Variants in FOLR1 observed in about 807,000 individuals in gnomAD.
FOLR1 encodes folate receptor alpha, also known as KB cells FBP.
In FOLR1, 11 loss-of-function variants were observed where a neutral mutation model predicts 22.8. That is an observed-to-expected ratio of 0.48 (90% CI 0.30 to 0.80). The LOEUF (loss-of-function observed/expected upper bound fraction) is 0.80. Among genes scored for constraint, FOLR1 ranks in the 30% least tolerant of loss-of-function variants. The pLI, the probability that FOLR1 is intolerant of heterozygous loss-of-function variation, is 0.06. For synonymous variants in FOLR1, 108 were observed against 116.5 expected (o/e 0.93, Z 0.47); for missense variants, 273 against 320.3 (o/e 0.85, Z 1.13).
chr11:72,193,299 G>A (rs937702945), intron 1 of FOLR1, among the ~76,000 whole-genome samples: 1 of 150,904 alleles, frequency 6.6e-6, no homozygotes, highest in Non-Finnish European at 1.5e-5. Context: ...CTGCACTCCA[G>A]CCTGGGCAAC....
Position 72,192,226 on chromosome 11 carries a change from T to C in FOLR1, c.53T>C (p.Val18Ala). The change falls in exon 1 of 4, where the codon GTA becomes GCA. Residue 18 changes from valine (V) to alanine (A), a missense_variant. Physicochemically the swap from Val to Ala is moderately conservative, Grantham distance 64. Transcript: ENST00000393676. ...QLLLLLVWVA[V>A]VGEAQTRIAW... is the part of the protein sequence containing the mutation. ...CTGCTCCTTCTAGTGTGGGTGGCTG[T>C]AGTAGGGGAGGCTCAGACAAGGATT... is the stretch of plus-strand genomic sequence containing the variant. 1.9e-6 allele frequency: 3 copies of C among 1,614,034 alleles called. No individual in the cohort carries two copies. Among genetic ancestry groups the C allele is most frequent in the South Asian group, 1.1e-5 (1 of 91,076 alleles).
At chr11:72,195,481 T>C in intron 2 of FOLR1, 22 bp downstream of exon 2, 1 of 1,613,854 alleles carries the variant, frequency 6.2e-7, no homozygotes, top group Non-Finnish European at 8.5e-7. Flanking sequence ...TTCCTGCAGG[T>C]ACAAGACCTA....
chr11:72,195,538 G>C, intron 2 of FOLR1, 74 bp from the exon 3 acceptor site: 1 of 1,613,316 alleles, frequency 6.2e-7, no homozygotes, highest in Non-Finnish European at 8.5e-7. Flanking sequence ...TGCAACCCCA[G>C]CTCCAGTTCT....
At chr11:72,192,110 A>G (rs1948163406), upstream of FOLR1, 11 of 1,597,280 alleles carry the variant, frequency 6.9e-6, no homozygotes, top group Admixed American at 1.8e-4. Flanking sequence ...CCTGCACACA[A>G]CTTAAGGCCC....
intron 1 of FOLR1, among the ~76,000 whole-genome samples, chr11:72,193,776 T>C: frequency 1.0e-5 from 1 of 97,180 alleles, no homozygotes; most frequent in Non-Finnish European, 2.0e-5. Context: ...GCACATTTTA[T>C]TTATTTATTT....
intron 1 of FOLR1, among the ~76,000 whole-genome samples, 175 bp downstream of exon 1, chr11:72,192,516 GTTCA>G (rs1948170605): frequency 6.6e-6 from 1 of 152,194 alleles, no homozygotes; most frequent in South Asian, 2.1e-4. Context: ...AATGCCAACA[GTTCA>G]CCTTCTTGGT....
At position 72,196,248 on chromosome 11, in the gene FOLR1, C is replaced by T; in HGVS notation, c.*71C>T. ...CCCACAGCTCCCAACTATTTGGTTC[C>T]TGCTCCATGGTCGGGCCTCTGACAG... On this transcript the variant is annotated 3_prime_UTR_variant, in exon 4 of 4. Coordinates refer to ENST00000393676, the MANE Select transcript of FOLR1 (RefSeq NM_016729.3). 9.6e-6 allele frequency: 15 copies of T among 1,565,780 alleles called. No individual in the cohort carries two copies. The highest frequency in any genetic ancestry group is 1.3e-5 in the Non-Finnish European group (15 of 1,139,032).
Position 72,195,728 on chromosome 11 carries a change from G to A in FOLR1, c.474G>A (p.Lys158=). The A allele has an allele frequency of 1.2e-6, 2 of 1,614,226 alleles. No individual in the cohort carries two copies. Among genetic ancestry groups the A allele is most frequent in the Non-Finnish European group, 1.7e-6 (2 of 1,180,050 alleles). The part of the protein sequence containing the change: ...TSYTCKSNWH[K]GWNWTSGFNK... ...ACACCTGCAAGAGCAACTGGCACAA[G>A]GGCTGGAACTGGACTTCAGGTGAGG... The change falls in exon 3 of 4, where the codon AAG becomes AAA. Residue 158 remains lysine, a synonymous_variant. Transcript: ENST00000393676.
In FOLR1 at chr11:72,196,237, C is replaced by T; in HGVS notation, c.*60C>T. The T allele has an allele frequency of 6.3e-7, 1 of 1,592,994 alleles. No homozygotes were observed. Among genetic ancestry groups the T allele is most frequent in the Non-Finnish European group, 8.6e-7 (1 of 1,162,100 alleles). Reference sequence around the variant, plus strand: ...CCCTGTTCAGCCCCACAGCTCCCAACTATTTGGTTCCTGCTCCATGGTCGG... The same window carrying T: ...CCCTGTTCAGCCCCACAGCTCCCAATTATTTGGTTCCTGCTCCATGGTCGG... On this transcript the variant is annotated 3_prime_UTR_variant, in exon 4 of 4. Coordinates refer to ENST00000393676, the MANE Select transcript of FOLR1 (RefSeq NM_016729.3).
At chr11:72,190,554 C>G (rs2135384188), upstream of FOLR1, 1 of 152,248 alleles carries the variant, frequency 6.6e-6, no homozygotes, top group South Asian at 2.1e-4. Flanking sequence ...GTGCTCTAAA[C>G]AGTTAGGGTT....
upstream of FOLR1, chr11:72,190,646 G>A (rs1406299004): frequency 6.6e-6 from 1 of 152,388 alleles, no homozygotes. Flanking sequence ...CTCAAGGTTA[G>A]TGAGTGAGCA....
intron 1 of FOLR1, 143 bp from the exon 2 acceptor site, chr11:72,195,128 G>A (rs561650632): frequency 2.4e-6 from 2 of 826,154 alleles, no homozygotes; most frequent in East Asian, 5.2e-5. Context: ...CCCCTAAAGA[G>A]GTCCCAATAG....
rs764420714 is a variant in FOLR1, at chr11:72,195,395, G to A, written c.293G>A (p.Arg98Gln). The change falls in exon 2 of 4, where the codon CGG (arginine) becomes CAG (glutamine). Residue 98 changes from arginine to glutamine, a missense_variant. Physicochemically the swap from Arg to Gln is conservative, Grantham distance 43 (BLOSUM62 1). Coordinates refer to ENST00000393676, the MANE Select transcript of FOLR1 (RefSeq NM_016729.3). ...GGAGAGATGGCACCTGCCTGCAAAC[G>A]GCATTTCATCCAGGACACCTGCCTC... ...HCGEMAPACK[R>Q]HFIQDTCLYE... is the part of the protein sequence containing the mutation. The A allele has an allele frequency of 7.4e-6, 12 of 1,614,184 alleles. No homozygotes were observed. The highest frequency in any genetic ancestry group is 4.4e-5 in the South Asian group (4 of 91,088).
In FOLR1 at chr11:72,195,393, A is replaced by T. The variant is rs775864895; in HGVS notation, c.291A>T (p.Lys97Asn). 2.5e-6 allele frequency: 4 copies of T among 1,614,066 alleles called. No homozygotes were observed. Among genetic ancestry groups the T allele is most frequent in the Non-Finnish European group, 3.4e-6 (4 of 1,180,042 alleles). Residue 97 changes from lysine (K) to asparagine (N), a missense_variant, in exon 2 of 4, where the codon AAA becomes AAT. Transcript: ENST00000393676. ...GTGGAGAGATGGCACCTGCCTGCAA[A>T]CGGCATTTCATCCAGGACACCTGCC... ...NHCGEMAPAC[K>N]RHFIQDTCLY...
chr11:72,194,378 C>T (rs1444761693), intron 1 of FOLR1, among the ~76,000 whole-genome samples: 4 of 151,724 alleles, frequency 2.6e-5, no homozygotes, highest in East Asian at 1.9e-4. Context: ...TACAGGTGTC[C>T]GCCACCACAC....
rs1225991885 is a variant in FOLR1, at chr11:72,192,345, G to A, written c.168+4G>A. 6.2e-7 allele frequency: 1 copy of A among 1,613,910 alleles called. No homozygotes were observed. Among genetic ancestry groups the A allele is most frequent in the Non-Finnish European group, 8.5e-7 (1 of 1,179,998 alleles). On this transcript the variant is annotated splice_donor_region_variant and intron_variant, in intron 1 of 3. Coordinates refer to ENST00000393676, the MANE Select transcript of FOLR1 (RefSeq NM_016729.3). The stretch of plus-strand genomic sequence containing the variant: ...CGAGGACAAGTTGCATGAGCAGGTG[G>A]GCCAGGGGGTGATCTGGGGTGGTGA...
intron 1 of FOLR1, among the ~76,000 whole-genome samples, chr11:72,193,797 T>G (rs1339327493): frequency 2.7e-5 from 4 of 150,070 alleles, no homozygotes; most frequent in Non-Finnish European, 4.4e-5. Flanking sequence ...ATTTATTTAT[T>G]TATTGAGATG....
At chr11:72,190,820 C>A (rs547197966), upstream of FOLR1, among the ~76,000 whole-genome samples, 2 of 152,302 alleles carry the variant, frequency 1.3e-5, no homozygotes, top group Non-Finnish European at 2.9e-5. Context: ...GCTGTGCAGT[C>A]GGCCTGGAGA....
chr11:72,192,597 A>G (rs185976189), intron 1 of FOLR1, among the ~76,000 whole-genome samples: 10 of 152,274 alleles, frequency 6.6e-5, no homozygotes, highest in Admixed American at 2.6e-4. Context: ...ATGAAGTTGG[A>G]GTGACCCATC....
Sources: gnomAD v4.1 joint callset for allele counts (sites outside exome capture counted in the v4.1 genomes callset) on GRCh38, gnomAD v4.1.1 for gene constraint, MANE v1.5 for transcripts, NCBI Gene and HGNC (gene_info 2026-07-23, HGNC 2026-07-21) for gene names.